The following GPD2 variants were observed in gnomAD, a reference collection of about 807,000 sequenced individuals.
The protein encoded by GPD2 is glycerol-3-phosphate dehydrogenase, mitochondrial.
In GPD2, 54 loss-of-function variants were observed where a neutral mutation model predicts 82.4. The observed-to-expected ratio is 0.66, with a 90% CI of 0.53 to 0.82. GPD2 has a LOEUF of 0.82. Among genes scored for constraint, GPD2 ranks in the 40% least tolerant of loss-of-function variants. GPD2 has a pLI of 0.00. For missense variants in GPD2, 748 were observed against 896.2 expected, an observed-to-expected ratio of 0.83 and a Z score of 2.11; for synonymous variants, 288 against 306.1, an observed-to-expected ratio of 0.94 and a Z score of 0.62.
chr2:156,542,369 G>A (rs1195191175), intron 6 of GPD2, among the ~76,000 whole-genome samples: 1 of 152,150 alleles, frequency 6.6e-6, no homozygotes. Context: ...ATGATTACAT[G>A]CTCACTGCTA....
chr2:156,509,765 C>CTT (rs60361072), intron 3 of GPD2, among the ~76,000 whole-genome samples: 5 of 117,380 alleles, frequency 4.3e-5, no homozygotes, highest in African/African-American at 9.9e-5. Context: ...ATATGTTCTT[C>CTT]TTTTTTTTTT....
chr2:156,472,041 T>C (rs1490246125), intron 1 of GPD2, among the ~76,000 whole-genome samples: 1 of 152,260 alleles, frequency 6.6e-6, no homozygotes, highest in Non-Finnish European at 1.5e-5. Flanking sequence ...GATTTGAAGC[T>C]ATGATAAATA....
chr2:156,403,464 G>C, the GPD2 span, among the ~76,000 whole-genome samples: 1 of 152,176 alleles, frequency 6.6e-6, no homozygotes, highest in Non-Finnish European at 1.5e-5. Flanking sequence ...AAGGAAGACA[G>C]AGGGTGATCC....
At chr2:156,477,789 T>C (rs1173390643) in intron 2 of GPD2, among the ~76,000 whole-genome samples, 1 of 152,230 alleles carries the variant, frequency 6.6e-6, no homozygotes, top group African/African-American at 2.4e-5. Flanking sequence ...CTTGATGTAC[T>C]ATTTCTTTTA....
chr2:156,486,667 A>G (rs1327912858), intron 2 of GPD2, among the ~76,000 whole-genome samples: 3 of 152,228 alleles, frequency 2.0e-5, no homozygotes, highest in Non-Finnish European at 2.9e-5. Flanking sequence ...GATGATTTAA[A>G]TAGAAGTTAG....
At chr2:156,405,016 T>G in the GPD2 span, among the ~76,000 whole-genome samples, 2 of 152,058 alleles carry the variant, frequency 1.3e-5, no homozygotes, top group Admixed American at 1.3e-4. Flanking sequence ...TTTGAAGGAA[T>G]ATTCAGGCAA....
At chr2:156,530,610 T>C (rs1170483831) in intron 6 of GPD2, among the ~76,000 whole-genome samples, 3 of 151,820 alleles carry the variant, frequency 2.0e-5, no homozygotes, top group Non-Finnish European at 4.4e-5. Context: ...GTTCCATCAA[T>C]ACCTAATTTA....
intron 16 of GPD2, among the ~76,000 whole-genome samples, chr2:156,582,354 C>T (rs1284483393): frequency 6.6e-6 from 1 of 150,818 alleles, no homozygotes; most frequent in Non-Finnish European, 1.5e-5. Flanking sequence ...TTAGGGGACT[C>T]GAAGTTGTCA....
chr2:156,402,006 G>T, the GPD2 span, among the ~76,000 whole-genome samples: 6 of 152,066 alleles, frequency 3.9e-5, no homozygotes, highest in East Asian at 1.2e-3. Context: ...GAATAATTTG[G>T]GGAAAAGTTA....
chr2:156,494,255 G>C (rs891444547), intron 2 of GPD2, among the ~76,000 whole-genome samples: 9 of 152,302 alleles, frequency 5.9e-5, no homozygotes, highest in African/African-American at 2.2e-4. Context: ...TTATTTAACA[G>C]AGTGATAACA....
intron 6 of GPD2, among the ~76,000 whole-genome samples, chr2:156,525,512 GA>G (rs1685574577): frequency 1.3e-5 from 2 of 151,974 alleles, no homozygotes; most frequent in African/African-American, 4.8e-5. Context: ...CCTTTCAATA[GA>G]AAAAATTAGG....
At chr2:156,483,738 TA>T (rs1405946283) in intron 2 of GPD2, among the ~76,000 whole-genome samples, 1 of 152,180 alleles carries the variant, frequency 6.6e-6, no homozygotes, top group Non-Finnish European at 1.5e-5. Flanking sequence ...AAAAAGAAAA[TA>T]AAGAAACAAT....
At chr2:156,515,536 G>A (rs1685170677) in intron 6 of GPD2, among the ~76,000 whole-genome samples, 1 of 152,104 alleles carries the variant, frequency 6.6e-6, no homozygotes, top group South Asian at 2.1e-4. Flanking sequence ...AGAAGCCAAG[G>A]GAAACCTTTG....
At chr2:156,492,334 A>G (rs149937755) in intron 2 of GPD2, among the ~76,000 whole-genome samples, 135 of 150,894 alleles carry the variant, frequency 8.9e-4, no homozygotes, top group Admixed American at 2.3e-3. Flanking sequence ...TTGTATTTTT[A>G]GTAGAGATGG....
chr2:156,453,268 T>C (rs1383917762), intron 1 of GPD2, among the ~76,000 whole-genome samples: 1 of 151,996 alleles, frequency 6.6e-6, no homozygotes, highest in Non-Finnish European at 1.5e-5. Context: ...TTAAGGGTGC[T>C]TGGAAGGGAG....
At chr2:156,415,351 G>A in the GPD2 span, among the ~76,000 whole-genome samples, 3 of 151,674 alleles carry the variant, frequency 2.0e-5, no homozygotes, top group Admixed American at 1.3e-4. Flanking sequence ...GTAGAGATGG[G>A]GTTTCACCAT....
rs769561230 is a variant in GPD2, at chr2:156,579,153, C to T, written c.1948C>T (p.Arg650Cys). Residue 650 changes from arginine (R) to cysteine (C), a missense_variant, in exon 15 of 17, where the codon CGT becomes TGT. Around this residue, in one of 3 missense-constraint regions of GPD2, gnomAD observed 692 missense variants for 809.7 expected, o/e 0.85. Coordinates refer to ENST00000438166, the MANE Select transcript of GPD2 (RefSeq NM_000408.5). ...CTTTATTACCATTGTTGATGTTCAGCGTGTATTAGAGGTAATTTTCTTTGG... is the reference window on the plus strand; with the variant it reads ...CTTTATTACCATTGTTGATGTTCAGTGTGTATTAGAGGTAATTTTCTTTGG... ...KGFITIVDVQ[R>C]VLESINVQMD... The T allele has an allele frequency of 1.9e-6, 3 of 1,592,280 alleles. No individual in the cohort carries two copies. The highest frequency in any genetic ancestry group is 2.2e-5 in the South Asian group (2 of 90,640).
intron 6 of GPD2, among the ~76,000 whole-genome samples, chr2:156,530,972 A>C (rs936088881): frequency 2.0e-5 from 3 of 152,152 alleles, no homozygotes; most frequent in Non-Finnish European, 4.4e-5. Context: ...GAGTGTGGGC[A>C]TGCACCACGG....
rs1438565817 is a variant in GPD2, at chr2:156,571,133, G to T, written c.1609-1G>T. The T allele has an allele frequency of 6.3e-7, 1 of 1,591,492 alleles. No homozygotes were observed. Among genetic ancestry groups the T allele is most frequent in the Admixed American group, 1.7e-5 (1 of 59,960 alleles). On this transcript the variant is annotated splice_acceptor_variant, in intron 12 of 16. Transcript: ENST00000438166. LOFTEE classifies it high-confidence loss of function. The stretch of plus-strand genomic sequence containing the variant: ...ATAATTTTTCTTTAATTCAAACTCA[G>T]GTGAAATATGGGATTAAGGAGTATG...
Sources: gnomAD v4.1 joint callset for allele counts (sites outside exome capture counted in the v4.1 genomes callset) on GRCh38, gnomAD v4.1.1 for gene constraint, gnomAD v4.1.1 regional missense constraint, MANE v1.5 for transcripts, NCBI Gene and HGNC (gene_info 2026-07-23, HGNC 2026-07-21) for gene names.